The following BCL2L1 variants were observed in gnomAD, a reference collection of about 807,000 sequenced individuals.
The protein encoded by BCL2L1 is bcl-2-like protein 1.
In BCL2L1, 1 loss-of-function variant was observed where a neutral mutation model predicts 18.7. The observed-to-expected ratio is 0.05, with a 90% confidence interval of 0.02 to 0.25. The LOEUF (loss-of-function observed/expected upper bound fraction) is 0.25, where lower values mean the gene tolerates loss of function less well. BCL2L1 is among the 10% of genes least tolerant of loss of function. The pLI is 1.00. For missense variants in BCL2L1, 207 were observed against 304.9 expected (o/e 0.68, Z 2.39); for synonymous variants, 103 against 122.7 (o/e 0.84, Z 1.06).
In BCL2L1 at chr20:31,669,428, GT is replaced by G. The variant is rs1242253611; in HGVS notation, c.565-3343del. The stretch of plus-strand genomic sequence containing the variant: ...TAACTAGATTCTGTACTTTGTTTTT[GT>G]TGTGATGTGTCTTCCATACTAGATG... On this transcript the variant is annotated intron_variant, in intron 2 of 2. Coordinates refer to ENST00000307677, the MANE Select transcript of BCL2L1 (RefSeq NM_138578.3). 2.0e-5 allele frequency among the ~76,000 whole-genome samples: 3 copies of G among 148,906 alleles called. No individual in the cohort carries two copies. The Admixed American group carries it at 2.0e-4, about 10-fold the overall frequency.
chr20:31,681,947 G>A (rs111773595), intron 2 of BCL2L1, among the ~76,000 whole-genome samples: 1,990 of 152,352 alleles, frequency 0.013, 40 homozygotes, highest in African/African-American at 0.046. Flanking sequence ...GGAGGGCAGG[G>A]CTCTGCCTAG....
At position 31,664,703 on chromosome 20, in the gene BCL2L1, A is replaced by C. The variant is rs1239596198; in HGVS notation, c.*1246T>G. 4.6e-6 allele frequency: 1 copy of C among 216,182 alleles called. No homozygotes were observed. The highest frequency in any genetic ancestry group is 9.4e-6 in the Non-Finnish European group (1 of 106,656). 13.4% of individuals were successfully genotyped at this position (216,182 alleles called of 1,614,324 possible). A position where few individuals can be genotyped will look rare whatever the true frequency, so the allele number is the denominator to read the frequency against. ...AGCAGCTCCTCACACATAAATACAG[A>C]CACGCTTAACAAAAATAGTATATCA... is the stretch of plus-strand genomic sequence containing the variant. On this transcript the variant is annotated 3_prime_UTR_variant, in exon 3 of 3. Coordinates refer to ENST00000307677, the MANE Select transcript of BCL2L1 (RefSeq NM_138578.3).
chr20:31,687,511 T>C (rs2060979189), intron 2 of BCL2L1, among the ~76,000 whole-genome samples: 1 of 149,996 alleles, frequency 6.7e-6, no homozygotes, highest in Admixed American at 6.6e-5. Flanking sequence ...CCTTCTCTAC[T>C]AAAAATACAA....
At chr20:31,668,183 TC>T (rs748207107) in intron 2 of BCL2L1, among the ~76,000 whole-genome samples, 38 of 152,168 alleles carry the variant, frequency 2.5e-4, no homozygotes, top group Non-Finnish European at 4.1e-4. Flanking sequence ...GTCGCCTGCC[TC>T]ACTCCCTCAT....
intron 2 of BCL2L1, among the ~76,000 whole-genome samples, chr20:31,692,557 C>T (rs1157434683): frequency 6.6e-6 from 1 of 152,150 alleles, no homozygotes; most frequent in African/African-American, 2.4e-5. Context: ...AGGCAGATCA[C>T]GAGGTCAGGA....
At position 31,703,070 on chromosome 20, in the gene BCL2L1, G is replaced by A. The variant is rs530569356; in HGVS notation, c.564+18585C>T. 7.8e-4 allele frequency among the ~76,000 whole-genome samples: 119 copies of A among 151,794 alleles called. 2 individuals are homozygous for A. The highest frequency in any genetic ancestry group is 2.7e-4 in the Non-Finnish European group (18 of 67,912). ...ATTTTATTAAATTTTTTGAGACAGAGTTTTGCTCTTGTTGCCCAGGCTGGA... is the reference window on the plus strand; with the variant it reads ...ATTTTATTAAATTTTTTGAGACAGAATTTTGCTCTTGTTGCCCAGGCTGGA... On this transcript the variant is annotated intron_variant, in intron 2 of 2. Transcript: ENST00000307677.
chr20:31,723,570 C>T, upstream of BCL2L1: 4 of 984,636 alleles, frequency 4.1e-6, no homozygotes, highest in Non-Finnish European at 3.6e-6. Flanking sequence ...AGGCAACCGC[C>T]CTCCCCCGGG....
At chr20:31,692,461 A>C (rs988999034) in intron 2 of BCL2L1, among the ~76,000 whole-genome samples, 6 of 152,272 alleles carry the variant, frequency 3.9e-5, no homozygotes, top group Admixed American at 3.3e-4. Flanking sequence ...TAAACACAGC[A>C]TAATACCTAA....
intron 2 of BCL2L1, among the ~76,000 whole-genome samples, chr20:31,668,594 A>G (rs1211387891): frequency 3.4e-5 from 5 of 145,056 alleles, no homozygotes; most frequent in Middle Eastern, 3.9e-3. Context: ...ACGAGCCACC[A>G]TATCTGGCCT....
intron 2 of BCL2L1, among the ~76,000 whole-genome samples, chr20:31,707,269 G>A (rs1289435148): frequency 6.6e-6 from 1 of 152,112 alleles, no homozygotes; most frequent in African/African-American, 2.4e-5. Flanking sequence ...TAAACTCTTG[G>A]TCCAAAGATA....
chr20:31,704,293 G>A (rs2061336909), intron 2 of BCL2L1, among the ~76,000 whole-genome samples: 1 of 150,678 alleles, frequency 6.6e-6, no homozygotes, highest in South Asian at 2.1e-4. Context: ...CAGAGACGGG[G>A]TTTCCACCAC....
chr20:31,723,591 A>C, upstream of BCL2L1: 1 of 985,110 alleles, frequency 1.0e-6, no homozygotes, highest in Non-Finnish European at 1.2e-6. Flanking sequence ...GGCGCCCCCT[A>C]GACCTTCCTG....
At chr20:31,692,285 T>A (rs2061088013) in intron 2 of BCL2L1, among the ~76,000 whole-genome samples, 1 of 152,230 alleles carries the variant, frequency 6.6e-6, no homozygotes, top group Non-Finnish European at 1.5e-5. Context: ...AACAGCATTG[T>A]CTGAAACAGC....
Position 31,691,152 on chromosome 20 carries a change from CAAAAAAAAAAAAAAAAA to C in BCL2L1, c.565-25083_565-25067del, listed in dbSNP as rs539012918. On this transcript the variant is annotated intron_variant, in intron 2 of 2. Coordinates refer to ENST00000307677, the MANE Select transcript of BCL2L1 (RefSeq NM_138578.3). ...TGGGCAACAGGGCGAGACTCTGTCT[CAAAAAAAAAAAAAAAAA>C]AAAAAAAAAAAAAAAAAAAGAAATA... Among the ~76,000 whole-genome samples the C allele has an allele frequency of 3.8e-3, 95 of 24,850 alleles. 2 individuals are homozygous for C. Among genetic ancestry groups the C allele is most frequent in the Middle Eastern group, 0.1 (2 of 20 alleles). The allele number at this position is 24,850 out of a possible 152,430, so 16.3% of individuals were successfully genotyped here.
chr20:31,690,583 T>A (rs1224408516), intron 2 of BCL2L1, among the ~76,000 whole-genome samples: 1 of 151,776 alleles, frequency 6.6e-6, no homozygotes, highest in Non-Finnish European at 1.5e-5. Context: ...ATTTTTTTTT[T>A]TTTTGCAGAC....
chr20:31,718,867 G>A (rs1432240345), intron 2 of BCL2L1, among the ~76,000 whole-genome samples: 2 of 152,154 alleles, frequency 1.3e-5, no homozygotes, highest in Admixed American at 6.5e-5. Flanking sequence ...CACAGGCATG[G>A]TTTGCTTGGC....
chr20:31,669,453 T>C (rs1372706846), intron 2 of BCL2L1, among the ~76,000 whole-genome samples: 1 of 140,862 alleles, frequency 7.1e-6, no homozygotes, highest in Non-Finnish European at 1.5e-5. Context: ...CCATACTAGA[T>C]GTGTCTTTTT....
rs184423558 is a variant in BCL2L1, at chr20:31,716,634, C to T, written c.564+5021G>A. ...CTCTTCAATTAGGTATCTGCTATGC[C>T]CAAGGCCTCTGCTCAGTGCTGAGGA... On this transcript the variant is annotated intron_variant, in intron 2 of 2. Transcript: ENST00000307677. The T allele has an allele frequency of 9.9e-5, 15 of 152,258 alleles. No individual in the cohort carries two copies. The East Asian group carries it at 2.9e-3, about 29-fold the overall frequency. 9.4% of individuals were successfully genotyped at this position (152,258 alleles called of 1,614,324 possible).
At chr20:31,715,888 G>A (rs2061526724) in intron 2 of BCL2L1, among the ~76,000 whole-genome samples, 1 of 152,058 alleles carries the variant, frequency 6.6e-6, no homozygotes, top group South Asian at 2.1e-4. Flanking sequence ...TTGGAGCGCA[G>A]TGGCTTGATC....
Sources: gnomAD v4.1 joint callset for allele counts (sites outside exome capture counted in the v4.1 genomes callset) on GRCh38, gnomAD v4.1.1 for gene constraint, MANE v1.5 for transcripts, NCBI Gene and HGNC (gene_info 2026-07-23, HGNC 2026-07-21) for gene names.